STAU2: variants seen among roughly 807,000 people sequenced by gnomAD.
STAU2 encodes the protein double-stranded RNA-binding protein Staufen homolog 2.
STAU2 carries 20 observed loss-of-function variants against 65.9 expected under a neutral mutation model. The observed-to-expected ratio is 0.30, with a 90% CI of 0.21 to 0.44. STAU2 has a LOEUF of 0.44. Among genes scored for constraint, STAU2 ranks in the 20% least tolerant of loss-of-function variants. The pLI, the probability that STAU2 is intolerant of heterozygous loss-of-function variation, is 1.00. For missense variants in STAU2, 558 were observed against 683.9 expected (o/e 0.82, Z 2.05); for synonymous variants, 232 against 233.9 (o/e 0.99, Z 0.07).
At chr8:73,671,399 AAAAAAAAC>A (rs1817664038) in intron 6 of STAU2, among the ~76,000 whole-genome samples, 4 of 151,842 alleles carry the variant, frequency 2.6e-5, no homozygotes, top group Admixed American at 1.3e-4. Context: ...CAAACAAACA[AAAAAAAAC>A]AAAAAAAACA....
chr8:73,444,329 C>G (rs575084699), intron 13 of STAU2, among the ~76,000 whole-genome samples: 6 of 151,552 alleles, frequency 4.0e-5, no homozygotes, highest in African/African-American at 1.2e-4. Flanking sequence ...TCGCTTGAAT[C>G]CAGGAGGTGG....
At chr8:73,462,857 A>G (rs1253060403) in intron 13 of STAU2, among the ~76,000 whole-genome samples, 1 of 152,176 alleles carries the variant, frequency 6.6e-6, no homozygotes, top group Non-Finnish European at 1.5e-5. Context: ...AACTTCTTTG[A>G]GTGCCTTTAG....
intron 13 of STAU2, among the ~76,000 whole-genome samples, chr8:73,434,509 T>C (rs959237269): frequency 6.6e-6 from 1 of 151,924 alleles, no homozygotes; most frequent in Non-Finnish European, 1.5e-5. Flanking sequence ...TGGAGTCTGT[T>C]AGACTTGGAT....
chr8:73,543,385 T>C, intron 13 of STAU2, among the ~76,000 whole-genome samples: 1 of 152,190 alleles, frequency 6.6e-6, no homozygotes, highest in East Asian at 1.9e-4. Flanking sequence ...AACTGTACAA[T>C]ATGGGTGTGT....
intron 6 of STAU2, among the ~76,000 whole-genome samples, chr8:73,655,439 C>G (rs921878712): frequency 1.3e-5 from 2 of 152,042 alleles, no homozygotes; most frequent in Non-Finnish European, 2.9e-5. Flanking sequence ...TGCACTCTCT[C>G]CATTTCATCC....
intron 13 of STAU2, among the ~76,000 whole-genome samples, chr8:73,469,833 G>C (rs1819883484): frequency 6.6e-6 from 1 of 152,160 alleles, no homozygotes; most frequent in South Asian, 2.1e-4. Flanking sequence ...CTGTGACCCA[G>C]GAAATATGGG....
chr8:73,680,883 A>T (rs2130465298), intron 5 of STAU2, among the ~76,000 whole-genome samples: 1 of 152,142 alleles, frequency 6.6e-6, no homozygotes, highest in Non-Finnish European at 1.5e-5. Context: ...CTCAAAGACA[A>T]GGCCTAATCA....
intron 1 of STAU2, among the ~76,000 whole-genome samples, chr8:73,744,487 G>A (rs1240105297): frequency 7.5e-4 from 97 of 129,630 alleles, no homozygotes; most frequent in Non-Finnish European, 8.1e-4. Context: ...AGGCACAAAG[G>A]AAAAAAAAAA....
At chr8:73,615,550 C>A in intron 8 of STAU2, 125 bp downstream of exon 8, 1 of 643,862 alleles carries the variant, frequency 1.6e-6, no homozygotes, top group South Asian at 2.0e-5. Flanking sequence ...TTTCATAATA[C>A]TGGGTTTGAA....
At chr8:73,543,125 G>A (rs1218904820) in intron 13 of STAU2, among the ~76,000 whole-genome samples, 3 of 152,172 alleles carry the variant, frequency 2.0e-5, no homozygotes, top group Non-Finnish European at 2.9e-5. Context: ...CATGGAACAT[G>A]CGTGAATTTC....
chr8:73,686,603 A>G (rs1818846352), intron 5 of STAU2, among the ~76,000 whole-genome samples: 1 of 151,748 alleles, frequency 6.6e-6, no homozygotes, highest in South Asian at 2.1e-4. Flanking sequence ...TGGGAGGGGA[A>G]TGAGGGGTAA....
intron 13 of STAU2, among the ~76,000 whole-genome samples, chr8:73,479,603 TAAAC>T (rs1166275218): frequency 3.3e-5 from 5 of 150,918 alleles, no homozygotes; most frequent in African/African-American, 7.3e-5. Context: ...TAGAAAAAAA[TAAAC>T]AAGCACTTAA....
chr8:73,479,549 T>G (rs965663424), intron 13 of STAU2, among the ~76,000 whole-genome samples: 2 of 151,580 alleles, frequency 1.3e-5, no homozygotes, highest in African/African-American at 4.9e-5. Context: ...TGTTAGGCTG[T>G]ATGAAAATGA....
At chr8:73,746,961 C>G (rs1040066762), upstream of STAU2, 26 of 787,684 alleles carry the variant, frequency 3.3e-5, no homozygotes, top group Non-Finnish European at 4.0e-5. Context: ...CGCGCGCCCC[C>G]GCCTGCGCAG....
At chr8:73,641,056 G>A (rs1292797910) in intron 6 of STAU2, among the ~76,000 whole-genome samples, 1 of 152,132 alleles carries the variant, frequency 6.6e-6, no homozygotes, top group Non-Finnish European at 1.5e-5. Flanking sequence ...CTTGCCCACT[G>A]AGTGATACAA....
intron 9 of STAU2, among the ~76,000 whole-genome samples, chr8:73,605,456 A>G (rs2129738832): frequency 6.6e-6 from 1 of 151,750 alleles, no homozygotes; most frequent in South Asian, 2.1e-4. Context: ...CTACAGGCGC[A>G]CGCCACCATG....
At chr8:73,561,557 C>CA (rs1040120458) in intron 12 of STAU2, 34 of 453,698 alleles carry the variant, frequency 7.5e-5, no homozygotes, top group African/African-American at 5.8e-4. Context: ...AGAAAAACAC[C>CA]AAAAAATGGA....
At chr8:73,480,718 G>T (rs4738368) in intron 13 of STAU2, among the ~76,000 whole-genome samples, 98,282 of 152,002 alleles carry the variant, frequency 0.65, 32,295 homozygotes, top group East Asian at 0.91. Flanking sequence ...CTTTTAAGAA[G>T]CCTTTGCTAT....
At position 73,679,893 on chromosome 8, in the gene STAU2, AAAAAACAAAAC is replaced by A. The variant is rs1191962950; in HGVS notation, c.275-6662_275-6652del. ...GACAGACTGAGACTCCACCTAAAAA[AAAAAACAAAAC>A]AAAAACAAAAACAAAAACTAGAAGC... On this transcript the variant is annotated intron_variant, in intron 5 of 14. Coordinates refer to ENST00000524300, the MANE Select transcript of STAU2 (RefSeq NM_001164380.2). Among the ~76,000 whole-genome samples the A allele has an allele frequency of 2.5e-3, 384 of 151,508 alleles. 2 individuals carry two copies. The highest frequency in any genetic ancestry group is 0.01 in the Middle Eastern group (3 of 294).
Sources: gnomAD v4.1 joint callset for allele counts (sites outside exome capture counted in the v4.1 genomes callset) on GRCh38, gnomAD v4.1.1 for gene constraint, MANE v1.5 for transcripts, NCBI Gene and HGNC (gene_info 2026-07-23, HGNC 2026-07-21) for gene names.